COL11A2: variants seen among roughly 807,000 people sequenced by gnomAD.
COL11A2 encodes the protein collagen type XI alpha 2 chain, also known as collagen alpha-2(XI) chain.
Under a neutral mutation model 273.4 loss-of-function variants are expected in COL11A2, and 116 were observed. The observed-to-expected ratio is 0.42, with a 90% CI of 0.36 to 0.49. The LOEUF is 0.49. Ranked by LOEUF, COL11A2 falls within the 20% of genes least tolerant of loss-of-function variation. The pLI, the probability that COL11A2 is intolerant of heterozygous loss-of-function variation, is 0.00. For missense variants in COL11A2, 1,866 were observed against 2,309.0 expected (o/e 0.81, Z 3.93); for synonymous variants, 782 against 864.2 (o/e 0.90, Z 1.67).
intron 53 of COL11A2, 25 bp downstream of exon 53, chr6:33,168,681 G>A: frequency 6.3e-7 from 1 of 1,590,064 alleles, no homozygotes. Flanking sequence ...GGCTCAGGGG[G>A]GTGGTGGGGT....
In COL11A2 at chr6:33,166,657, A is replaced by G; in HGVS notation, c.4338+63T>C. 2 of 1,610,318 alleles carry G rather than the reference A, an allele frequency of 1.2e-6. No homozygotes were observed. The highest frequency in any genetic ancestry group is 2.2e-5 in the South Asian group (2 of 90,904). ...TACCCACAGCTGAGTCCCAACTCCA[A>G]CTCCACCCCTCTCCACCCCACTCTC... On this transcript the variant is annotated intron_variant, in intron 59 of 65. Coordinates refer to ENST00000341947, the MANE Select transcript of COL11A2 (RefSeq NM_080680.3). The surrounding 1 kb of genome is among the most constrained non-coding windows in gnomAD (Gnocchi z 4.8).
chr6:33,177,136 TCC>T lies in COL11A2; in HGVS notation c.2016+43_2016+44del, dbSNP rs1326237440. The stretch of plus-strand genomic sequence containing the variant: ...GCAGACATTTAGGGTTCTCCCTACA[TCC>T]CCACTCTAAACCCCCTGTCCTCCAA... On this transcript the variant is annotated intron_variant, in intron 24 of 65. Coordinates refer to ENST00000341947, the MANE Select transcript of COL11A2 (RefSeq NM_080680.3). The surrounding 1 kb of genome is among the most constrained non-coding windows in gnomAD (Gnocchi z 5.9). 1 of 1,612,678 alleles carries T rather than the reference TCC, an allele frequency of 6.2e-7. No homozygotes were observed. Among genetic ancestry groups the T allele is most frequent in the Non-Finnish European group, 8.5e-7 (1 of 1,179,794 alleles).
Position 33,173,404 on chromosome 6 carries a change from G to A in COL11A2, c.2683-3C>T, listed in dbSNP as rs1464053518. On this transcript the variant is annotated splice_region_variant and splice_polypyrimidine_tract_variant and intron_variant, in intron 36 of 65. Coordinates refer to ENST00000341947, the MANE Select transcript of COL11A2 (RefSeq NM_080680.3). The surrounding 1 kb of genome is among the most constrained non-coding windows in gnomAD (Gnocchi z 6.3). ...AGCCCATCCTTCCCAGGGGGGCCCT[G>A]GAAGGGGTTCAGTTGTCAGGTGAAC... 2.5e-6 allele frequency: 4 copies of A among 1,613,132 alleles called. No individual in the cohort carries two copies. Among genetic ancestry groups the A allele is most frequent in the Non-Finnish European group, 3.4e-6 (4 of 1,179,946 alleles).
At chr6:33,171,052 A>G in intron 45 of COL11A2, 62 bp downstream of exon 45, 1 of 1,574,144 alleles carries the variant, frequency 6.4e-7, no homozygotes, top group Non-Finnish European at 8.6e-7. Flanking sequence ...ACAAGGGCAG[A>G]GGGGAGCTGA....
rs761247230 is a variant in COL11A2, at chr6:33,165,500, T to C, written c.4750+49A>G. 1 of 1,605,086 alleles carries C rather than the reference T, an allele frequency of 6.2e-7. No homozygotes were observed. On this transcript the variant is annotated intron_variant, in intron 63 of 65. Transcript: ENST00000341947. The surrounding 1 kb of genome is among the most constrained non-coding windows in gnomAD (Gnocchi z 7.7). The stretch of plus-strand genomic sequence containing the variant: ...CCCAGCATCCATTCTGCTTGTTCAG[T>C]ACCCATGCTGTTGGGGAGATGTTTG...
In COL11A2 at chr6:33,166,756, A is replaced by G; in HGVS notation, c.4302T>C (p.Pro1434=). Residue 1434 remains proline (P), a synonymous_variant, in exon 59 of 66, where the codon CCT becomes CCC. Coordinates refer to ENST00000341947, the MANE Select transcript of COL11A2 (RefSeq NM_080680.3). The surrounding 1 kb of genome is among the most constrained non-coding windows in gnomAD (Gnocchi z 4.8). ...TCTGCCCAGGGGAGCCCTGAGGCCCAGGAAGTCCCCGATCTCCCTTCTCTC... is the reference window on the plus strand; with the variant it reads ...TCTGCCCAGGGGAGCCCTGAGGCCCGGGAAGTCCCCGATCTCCCTTCTCTC... ...EQGEKGDRGL[P]GPQGSPGQKG... 6.2e-7 allele frequency: 1 copy of G among 1,613,508 alleles called. No homozygotes were observed. The highest frequency in any genetic ancestry group is 8.5e-7 in the Non-Finnish European group (1 of 1,180,016).
chr6:33,185,648 T>C, intron 6 of COL11A2, 53 bp downstream of exon 6: 2 of 835,410 alleles, frequency 2.4e-6, no homozygotes, highest in South Asian at 2.6e-5. Flanking sequence ...TAGGAGATGA[T>C]TGCTGGGGGT....
Position 33,192,360 on chromosome 6 carries a change from G to T in COL11A2, c.-120C>A. The T allele has an allele frequency of 1.0e-6, 1 of 1,002,490 alleles. No individual in the cohort carries two copies. Among genetic ancestry groups the T allele is most frequent in the Non-Finnish European group, 1.5e-6 (1 of 660,910 alleles). 62.1% of individuals were successfully genotyped at this position (1,002,490 alleles called of 1,614,324 possible). ...GCCTCAGACGCCGGGGTCCCAGGGA[G>T]GTCAGAGGCTGCGGGCAGCGACAGC... On this transcript the variant is annotated 5_prime_UTR_variant, in exon 1 of 66. Transcript: ENST00000341947.
In COL11A2 at chr6:33,176,211, G is replaced by A. The variant is rs1298151030; in HGVS notation, c.2214+48C>T. ...GGCTGGAGGGAAGGCAGTGAAGAGA[G>A]GAGATGGCAGGACTGAGGTGCTGGG... On this transcript the variant is annotated intron_variant, in intron 28 of 65. Coordinates refer to ENST00000341947, the MANE Select transcript of COL11A2 (RefSeq NM_080680.3). The surrounding 1 kb of genome is among the most constrained non-coding windows in gnomAD (Gnocchi z 4.9). 15 of 1,608,170 alleles carry A rather than the reference G, an allele frequency of 9.3e-6. No homozygotes were observed. Among genetic ancestry groups the A allele is most frequent in the Non-Finnish European group, 1.3e-5 (15 of 1,176,874 alleles).
rs778275658 is a variant in COL11A2 at position 33,175,463 on chromosome 6, C to T, written c.2376+111G>A. On this transcript the variant is annotated intron_variant, in intron 30 of 65. Transcript: ENST00000341947. Reference sequence around the variant, plus strand: ...TACACAGACAGAAGTATGACTAATGCATGGCCATCTTCAACTGACTGGCTG... The same window carrying T: ...TACACAGACAGAAGTATGACTAATGTATGGCCATCTTCAACTGACTGGCTG... 10 of 830,676 alleles carry T rather than the reference C, an allele frequency of 1.2e-5. No homozygotes were observed. In the Admixed American group the frequency reaches 1.3e-4, roughly 10 times the overall value. 51.5% of individuals were successfully genotyped at this position (830,676 alleles called of 1,614,324 possible).
Position 33,168,369 on chromosome 6 carries a change from C to A in COL11A2, c.3960+150G>T. The A allele has an allele frequency of 3.3e-6, 3 of 911,758 alleles. No homozygotes were observed. In the South Asian group the frequency reaches 4.1e-5, roughly 12 times the overall value. 56.5% of individuals were successfully genotyped at this position (911,758 alleles called of 1,614,324 possible). A position where few individuals can be genotyped will look rare whatever the true frequency, so the allele number is the denominator to read the frequency against. On this transcript the variant is annotated intron_variant, in intron 54 of 65. Transcript: ENST00000341947. ...GCCCCGGGCAATGAGATACCACACG[C>A]CCTTAAACCCACCAGCTCCTGCACA...
chr6:33,191,017 T>G (rs1355362293), intron 1 of COL11A2, among the ~76,000 whole-genome samples: 1 of 152,104 alleles, frequency 6.6e-6, no homozygotes, highest in African/African-American at 2.4e-5. Context: ...CCAAATGCCT[T>G]ATTCTCTAAC....
rs145413318 is a variant in COL11A2, at chr6:33,184,710, A to C, written c.939+282T>G. ...AGTGGCTCCCGGGAACAGAAATAGG[A>C]CATAGAAAGTAAGACCATTAGACAC... On this transcript the variant is annotated intron_variant, in intron 7 of 65. Transcript: ENST00000341947. Among the ~76,000 whole-genome samples the C allele has an allele frequency of 6.8e-4, 104 of 152,300 alleles. 1 individual carries two copies. The Middle Eastern group carries it at 0.014, about 20-fold the overall frequency.
Position 33,163,071 on chromosome 6 carries a change from G to A in COL11A2, c.*607C>T, listed in dbSNP as rs1768565020. ...AGGCAGCCAACACCTGTGGGTTAGA[G>A]AGCCCCACCCTGGCAGAGTCAGAGC... On this transcript the variant is annotated 3_prime_UTR_variant, in exon 66 of 66. Transcript: ENST00000341947. This position sits in a 1 kb window ranked among gnomAD's most constrained non-coding sequence, Gnocchi z 4.1. The A allele has an allele frequency of 6.3e-6, 1 of 159,016 alleles. No individual in the cohort carries two copies. The highest frequency in any genetic ancestry group is 1.4e-5 in the Non-Finnish European group (1 of 71,092). The allele number at this position is 159,016 out of a possible 1,614,324, so 9.9% of individuals were successfully genotyped here.
intron 3 of COL11A2, 146 bp downstream of exon 3, chr6:33,188,832 A>T: frequency 1.0e-6 from 1 of 978,156 alleles, no homozygotes; most frequent in Non-Finnish European, 1.7e-6. Flanking sequence ...CAAACTCTGG[A>T]CTAGAAGTGA....
Position 33,164,973 on chromosome 6 carries a change from T to C in COL11A2, c.4751-9A>G, listed in dbSNP as rs555680585. 408 of 1,564,354 alleles carry C rather than the reference T, an allele frequency of 2.6e-4. 3 individuals carry two copies. The South Asian group carries it at 3.9e-3, about 15-fold the overall frequency. On this transcript the variant is annotated splice_polypyrimidine_tract_variant and intron_variant, in intron 63 of 65. Coordinates refer to ENST00000341947, the MANE Select transcript of COL11A2 (RefSeq NM_080680.3). The surrounding 1 kb of genome is among the most constrained non-coding windows in gnomAD (Gnocchi z 4.7). ...GTCGACCCAGTACTCTCCTGTTGGG[T>C]GAGGGAGAGGGGAGGTCAGGGCCAC...
rs1005159884 is a variant in COL11A2, at chr6:33,164,747, G to C, written c.4863+105C>G. On this transcript the variant is annotated intron_variant, in intron 64 of 65. Coordinates refer to ENST00000341947, the MANE Select transcript of COL11A2 (RefSeq NM_080680.3). The surrounding 1 kb of genome is among the most constrained non-coding windows in gnomAD (Gnocchi z 4.7). ...AAGTGGAGAAGGGGTGGCAGGCTCC[G>C]GGGGGGGCAACAGCCAGGGGACTGT... is the stretch of plus-strand genomic sequence containing the variant. 9 of 958,132 alleles carry C rather than the reference G, an allele frequency of 9.4e-6. No individual in the cohort carries two copies. Among genetic ancestry groups the C allele is most frequent in the Non-Finnish European group, 1.4e-5 (9 of 625,022 alleles). The allele number at this position is 958,132 out of a possible 1,614,324, so 59.4% of individuals were successfully genotyped here.
chr6:33,191,855 G>C (rs1773151685), intron 1 of COL11A2, among the ~76,000 whole-genome samples: 1 of 152,186 alleles, frequency 6.6e-6, no homozygotes, highest in African/African-American at 2.4e-5. Flanking sequence ...GGACCGGGCT[G>C]GCCCTGGCCA....
Position 33,167,505 on chromosome 6 carries a change from C to T in COL11A2, c.4043G>A (p.Gly1348Glu). The T allele has an allele frequency of 1.2e-6, 2 of 1,612,858 alleles. No individual in the cohort carries two copies. The highest frequency in any genetic ancestry group is 1.7e-6 in the Non-Finnish European group (2 of 1,180,032). The change falls in exon 56 of 66, where the codon GGG (glycine) becomes GAG (glutamate). Residue 1348 changes from glycine (G) to glutamate (E), a missense_variant. Coordinates refer to ENST00000341947, the MANE Select transcript of COL11A2 (RefSeq NM_080680.3). This position sits in a 1 kb window ranked among gnomAD's most constrained non-coding sequence, Gnocchi z 6.1. ...KGDPGAIGAPGKTGPVGPAGP... is the reference protein window; with the variant it reads ...KGDPGAIGAPEKTGPVGPAGP... The stretch of plus-strand genomic sequence containing the variant: ...TGCAGGACCCACCGGGCCTGTCTTC[C>T]CCGGGGCACCTATAGCGCCAGGATC...
Sources: gnomAD v4.1 joint callset for allele counts (sites outside exome capture counted in the v4.1 genomes callset) on GRCh38, gnomAD v4.1.1 for gene constraint, Gnocchi (gnomAD v3.1) non-coding constraint, MANE v1.5 for transcripts, NCBI Gene and HGNC (gene_info 2026-07-23, HGNC 2026-07-21) for gene names.